The following PCDH11X variants were observed in gnomAD, a reference collection of about 807,000 sequenced individuals.
PCDH11X encodes the protein protocadherin 11 X-linked.
Under a neutral mutation model 53.3 loss-of-function variants are expected in PCDH11X, and 18 were observed. That is an observed-to-expected ratio of 0.34 (90% CI 0.23 to 0.50). The LOEUF (loss-of-function observed/expected upper bound fraction) is 0.50. Ranked by LOEUF, PCDH11X falls within the 20% of genes least tolerant of loss-of-function variation. PCDH11X has a pLI of 0.98. For missense variants in PCDH11X, 570 were observed against 1,032.4 expected (o/e 0.55, Z 6.14); for synonymous variants, 279 against 393.3 (o/e 0.71, Z 3.44).
intron 10 of PCDH11X, among the ~76,000 whole-genome samples, chrX:92,476,044 G>C (rs1051954598): frequency 9.0e-6 from 1 of 111,457 alleles, no homozygotes; most frequent in African/African-American, 3.3e-5. Context: ...TTGTGGGACG[G>C]ACCCAGAGGG....
intron 6 of PCDH11X, among the ~76,000 whole-genome samples, chrX:91,904,842 A>C (rs1941092311): frequency 9.1e-6 from 1 of 110,040 alleles, no homozygotes; most frequent in African/African-American, 3.3e-5. Context: ...CCCTTTGTGC[A>C]CCGATCCAAC....
intron 1 of PCDH11X, among the ~76,000 whole-genome samples, chrX:91,791,700 AG>A (rs1409103862): frequency 2.2e-5 from 2 of 91,410 alleles, no homozygotes; most frequent in Admixed American, 1.1e-4. Flanking sequence ...TTTTTTTGAG[AG>A]GGAAAATCCA....
chrX:91,971,251 A>G (rs2061956263), intron 6 of PCDH11X, among the ~76,000 whole-genome samples: 1 of 110,193 alleles, frequency 9.1e-6, no homozygotes, highest in Admixed American at 9.7e-5. Flanking sequence ...CAAAAAAAAA[A>G]GAAGAAACTG....
intron 10 of PCDH11X, among the ~76,000 whole-genome samples, chrX:92,531,052 G>A (rs1465449176): frequency 9.1e-6 from 1 of 110,460 alleles, no homozygotes; most frequent in Non-Finnish European, 1.9e-5. Context: ...GAAATAGAAA[G>A]GCTTCCTTAA....
intron 8 of PCDH11X, among the ~76,000 whole-genome samples, chrX:92,370,980 C>T (rs1318962025): frequency 9.0e-6 from 1 of 111,711 alleles, no homozygotes; most frequent in East Asian, 2.8e-4. Flanking sequence ...TCTCTTGTAA[C>T]GTTTTTTGGT....
chrX:92,226,212 T>C (rs939800381), intron 7 of PCDH11X, among the ~76,000 whole-genome samples: 6 of 112,107 alleles, frequency 5.4e-5, no homozygotes, highest in African/African-American at 1.9e-4. Context: ...ATTATAGTTT[T>C]ATGTTACATG....
chrX:92,390,348 T>C (rs1162120949), intron 9 of PCDH11X, among the ~76,000 whole-genome samples: 1 of 100,433 alleles, frequency 1.0e-5, no homozygotes, highest in African/African-American at 3.6e-5. Flanking sequence ...TGTGTCACGG[T>C]AGTGAAATGT....
intron 6 of PCDH11X, among the ~76,000 whole-genome samples, chrX:92,174,403 C>T (rs1209965430): frequency 9.0e-6 from 1 of 111,348 alleles, no homozygotes; most frequent in Non-Finnish European, 1.9e-5. Flanking sequence ...TTTTTCACTG[C>T]TTGCTAATGA....
At chrX:92,379,234 C>A (rs1446225250) in intron 8 of PCDH11X, among the ~76,000 whole-genome samples, 2 of 113,214 alleles carry the variant, frequency 1.8e-5, no homozygotes, top group Non-Finnish European at 3.7e-5. Context: ...CCTGCCCCAG[C>A]AGGCTTGAAA....
intron 6 of PCDH11X, among the ~76,000 whole-genome samples, chrX:92,192,330 G>C (rs2066206504): frequency 9.0e-6 from 1 of 111,554 alleles, no homozygotes; most frequent in Non-Finnish European, 1.9e-5. Context: ...ATTTTTTTAT[G>C]TTTAAATTTA....
intron 9 of PCDH11X, among the ~76,000 whole-genome samples, chrX:92,410,791 A>T (rs1326332135): frequency 2.1e-5 from 2 of 95,776 alleles, no homozygotes. Context: ...ATGGAAAAAT[A>T]AGAGAATTTG....
At chrX:92,166,743 T>C (rs1171745060) in intron 6 of PCDH11X, among the ~76,000 whole-genome samples, 1 of 109,524 alleles carries the variant, frequency 9.1e-6, no homozygotes, top group Non-Finnish European at 1.9e-5. Context: ...ACAAAAATTT[T>C]AAAAATTAGC....
intron 10 of PCDH11X, among the ~76,000 whole-genome samples, chrX:92,527,100 G>A (rs1027044619): frequency 7.2e-5 from 8 of 111,542 alleles, no homozygotes; most frequent in Non-Finnish European, 1.1e-4. Flanking sequence ...AAAGTTGAAG[G>A]ATGGTTACCA....
At chrX:92,127,574 G>A (rs2064891627) in intron 6 of PCDH11X, among the ~76,000 whole-genome samples, 1 of 102,011 alleles carries the variant, frequency 9.8e-6, no homozygotes, top group Admixed American at 1.1e-4. Flanking sequence ...TGGCTGGAGT[G>A]CAGTGGCCTG....
intron 9 of PCDH11X, among the ~76,000 whole-genome samples, chrX:92,448,167 G>T (rs2072698350): frequency 1.9e-5 from 2 of 105,018 alleles, no homozygotes; most frequent in Non-Finnish European, 3.9e-5. Flanking sequence ...GTGGACTTTT[G>T]AGTTAATGCT....
intron 8 of PCDH11X, among the ~76,000 whole-genome samples, chrX:92,331,342 CT>C (rs2069480396): frequency 1.2e-5 from 1 of 81,206 alleles, no homozygotes; most frequent in Non-Finnish European, 2.3e-5. Context: ...TCCTTCCTTC[CT>C]TTTCCCCCTC....
chrX:92,160,288 G>T (rs2065618334), intron 6 of PCDH11X, among the ~76,000 whole-genome samples: 2 of 110,182 alleles, frequency 1.8e-5, no homozygotes, highest in African/African-American at 6.6e-5. Context: ...AACCCAATTT[G>T]TAGCCTTTTA....
At chrX:92,039,512 G>A (rs1029953200) in intron 6 of PCDH11X, among the ~76,000 whole-genome samples, 47 of 110,209 alleles carry the variant, frequency 4.3e-4, no homozygotes, top group African/African-American at 1.5e-3. Context: ...AGCCCACAGG[G>A]ATTTCTGCCA....
At position 92,292,531 on chromosome X, in the gene PCDH11X, C is replaced by T. The variant is rs187251213; in HGVS notation, c.3144+29388C>T. On this transcript the variant is annotated intron_variant, in intron 8 of 10. Coordinates refer to ENST00000682573, the MANE Select transcript of PCDH11X (RefSeq NM_032968.5). ...ATATAGAGGGTGATTTTTAAAAATG[C>T]CTCTCTTAACAGTAGAATGAAACTG... 6.3e-5 allele frequency among the ~76,000 whole-genome samples: 7 copies of T among 111,376 alleles called. No homozygotes were observed. The East Asian group carries it at 1.4e-3, about 22-fold the overall frequency.
Sources: gnomAD v4.1 joint callset for allele counts (sites outside exome capture counted in the v4.1 genomes callset) on GRCh38, gnomAD v4.1.1 for gene constraint, MANE v1.5 for transcripts, NCBI Gene and HGNC (gene_info 2026-07-23, HGNC 2026-07-21) for gene names.